NPAS2: variants seen among roughly 807,000 people sequenced by gnomAD.
NPAS2 encodes neuronal PAS domain-containing protein 2.
In NPAS2, 23 loss-of-function variants were observed where a neutral mutation model predicts 107.5. That is an observed-to-expected ratio of 0.21 (90% CI 0.15 to 0.30). The LOEUF is 0.30. Ranked by LOEUF, NPAS2 falls within the 10% of genes least tolerant of loss-of-function variation. NPAS2 has a pLI of 1.00. For missense variants in NPAS2, 756 were observed against 1,043.3 expected (o/e 0.72, Z 3.79); for synonymous variants, 403 against 417.5 (o/e 0.97, Z 0.42).
chr2:100,934,134 C>A (rs1684158151), intron 4 of NPAS2: 1 of 152,186 alleles, frequency 6.6e-6, no homozygotes, highest in Non-Finnish European at 1.5e-5. Flanking sequence ...AAATACAGAA[C>A]TTTCTGCAGA....
At position 100,968,476 on chromosome 2, in the gene NPAS2, G is replaced by A; in HGVS notation, c.1055+48G>A. ...CGGCTGCGTCCTTGTCGCACCTGGG[G>A]GAGGGGTGCAGGATGGCGTGGCCCC... On this transcript the variant is annotated intron_variant, in intron 11 of 20. Transcript: ENST00000335681. The surrounding 1 kb of genome is among the most constrained non-coding windows in gnomAD (Gnocchi z 5.3). The A allele has an allele frequency of 6.3e-7, 1 of 1,595,014 alleles. No individual in the cohort carries two copies. Among genetic ancestry groups the A allele is most frequent in the Non-Finnish European group, 8.6e-7 (1 of 1,167,308 alleles).
chr2:100,938,569 C>CCCTCCTTCCCTCCCTT (rs1684490132), intron 5 of NPAS2, among the ~76,000 whole-genome samples: 1 of 58,288 alleles, frequency 1.7e-5, no homozygotes, highest in African/African-American at 8.5e-5. Flanking sequence ...TTCCCTCCCT[C>CCCTCCTTCCCTCCCTT]CCCCCTTTCC....
At chr2:100,927,393 C>T (rs1306355834) in intron 3 of NPAS2, among the ~76,000 whole-genome samples, 1 of 152,172 alleles carries the variant, frequency 6.6e-6, no homozygotes, top group Non-Finnish European at 1.5e-5. Flanking sequence ...CTTTGTAATA[C>T]TTTATAAAAG....
At chr2:100,839,184 A>G (rs1677245672) in intron 1 of NPAS2, among the ~76,000 whole-genome samples, 1 of 152,162 alleles carries the variant, frequency 6.6e-6, no homozygotes, top group Non-Finnish European at 1.5e-5. Flanking sequence ...GCTGGAGTGC[A>G]GTGGCACAAT....
intron 2 of NPAS2, among the ~76,000 whole-genome samples, chr2:100,905,059 G>A (rs1012396222): frequency 2.0e-5 from 3 of 152,156 alleles, no homozygotes; most frequent in Non-Finnish European, 4.4e-5. Flanking sequence ...GTTGACACTG[G>A]TCATCTTTCA....
chr2:100,951,485 C>A (rs1214825973), intron 7 of NPAS2, among the ~76,000 whole-genome samples: 1 of 152,164 alleles, frequency 6.6e-6, no homozygotes, highest in Non-Finnish European at 1.5e-5. Context: ...TATACATGCA[C>A]TGGAATATTA....
intron 2 of NPAS2, among the ~76,000 whole-genome samples, chr2:100,909,090 TC>T (rs965509204): frequency 2.6e-5 from 4 of 152,130 alleles, no homozygotes; most frequent in African/African-American, 9.7e-5. Flanking sequence ...TTTCTTCTGG[TC>T]CCCCTGGGGT....
intron 20 of NPAS2, 51 bp from the exon 21 acceptor site, chr2:100,995,349 A>C: frequency 6.6e-7 from 1 of 1,520,568 alleles, no homozygotes; most frequent in Non-Finnish European, 9.0e-7. Flanking sequence ...AAGACAGTTG[A>C]GGAGCGGACA....
chr2:100,892,016 T>C (rs981785284), intron 1 of NPAS2, among the ~76,000 whole-genome samples: 6 of 152,228 alleles, frequency 3.9e-5, no homozygotes, highest in African/African-American at 1.4e-4. Flanking sequence ...CCCCTCTTGC[T>C]GATTTTTCTA....
chr2:100,821,254 T>C, intron 1 of NPAS2: 1 of 1,273,776 alleles, frequency 7.9e-7, no homozygotes, highest in Non-Finnish European at 1.0e-6. Context: ...ACTAGTTTTG[T>C]TGATTAAGCA....
At chr2:100,853,213 G>A (rs529476635) in intron 1 of NPAS2, among the ~76,000 whole-genome samples, 8 of 152,194 alleles carry the variant, frequency 5.3e-5, no homozygotes, top group Non-Finnish European at 1.0e-4. Flanking sequence ...AGCTTCTGTC[G>A]CAATCTTGCA....
chr2:100,852,733 G>C (rs114111929), intron 1 of NPAS2, among the ~76,000 whole-genome samples: 2,401 of 152,208 alleles, frequency 0.016, 73 homozygotes, highest in African/African-American at 0.053. Context: ...TCCCTGCCCT[G>C]GTGTCCTGCA....
At position 100,996,092 on chromosome 2, in the gene NPAS2, G is replaced by T; in HGVS notation, c.*510G>T. 3.3e-6 allele frequency: 2 copies of T among 603,192 alleles called. No individual in the cohort carries two copies. The highest frequency in any genetic ancestry group is 2.9e-5 in the South Asian group (1 of 35,030). The allele number at this position is 603,192 out of a possible 1,614,324, so 37.4% of individuals were successfully genotyped here. On this transcript the variant is annotated 3_prime_UTR_variant, in exon 21 of 21. Coordinates refer to ENST00000335681, the MANE Select transcript of NPAS2 (RefSeq NM_002518.4). The stretch of plus-strand genomic sequence containing the variant: ...GTTTTAATTTGCACAGCTACACAGA[G>T]GAAATAACTTAGGCACTTTCTGTTT...
upstream of NPAS2, chr2:100,820,058 G>C (rs1675976706): frequency 1.3e-5 from 2 of 151,514 alleles, no homozygotes; most frequent in African/African-American, 4.8e-5. The surrounding 1 kb of genome is among the most constrained non-coding windows in gnomAD (Gnocchi z 5.6). Context: ...GGGGGTAGGA[G>C]GGGGAGGTGG....
chr2:100,988,538 C>G (rs145463634), intron 17 of NPAS2: 3 of 477,784 alleles, frequency 6.3e-6, no homozygotes, highest in Non-Finnish European at 1.1e-5. Flanking sequence ...AGATATCACT[C>G]GGCTGAAATG....
intron 1 of NPAS2, among the ~76,000 whole-genome samples, chr2:100,861,554 G>T (rs1463624230): frequency 3.9e-5 from 6 of 152,126 alleles, no homozygotes; most frequent in African/African-American, 1.4e-4. Context: ...CTTGAGAGTT[G>T]TTTGTCAGCC....
Position 100,995,722 on chromosome 2 carries a change from A to G in NPAS2, c.*140A>G. The G allele has an allele frequency of 1.3e-6, 2 of 1,549,734 alleles. No individual in the cohort carries two copies. The highest frequency in any genetic ancestry group is 2.4e-5 in the South Asian group (2 of 83,582). ...TACGTTTCAGAACTCCTGGATGGTA[A>G]CCATCTCTGGAGTGCAGCGCTTGCT... On this transcript the variant is annotated 3_prime_UTR_variant, in exon 21 of 21. Transcript: ENST00000335681.
Position 100,892,565 on chromosome 2 carries a change from T to C in NPAS2, c.-22-12168T>C, listed in dbSNP as rs1397465281. Among the ~76,000 whole-genome samples the C allele has an allele frequency of 2.6e-5, 4 of 152,248 alleles. No individual in the cohort carries two copies. In the East Asian group the frequency reaches 7.7e-4, roughly 29 times the overall value. ...TCCTTGGGACAAGGCTGGAGAGGGC[T>C]AGTGTTAGGATTGGATCTGTCCGCC... On this transcript the variant is annotated intron_variant, in intron 1 of 20. Coordinates refer to ENST00000335681, the MANE Select transcript of NPAS2 (RefSeq NM_002518.4).
chr2:100,860,817 C>T (rs1678892359), intron 1 of NPAS2, among the ~76,000 whole-genome samples: 1 of 152,094 alleles, frequency 6.6e-6, no homozygotes, highest in African/African-American at 2.4e-5. Context: ...TTTCCAGGCT[C>T]ATTCTGTACT....
Sources: allele counts gnomAD v4.1 joint callset (sites outside exome capture counted in the v4.1 genomes callset), GRCh38; gene constraint gnomAD v4.1.1; non-coding constraint Gnocchi (gnomAD v3.1); transcripts MANE v1.5; gene names NCBI Gene and HGNC (gene_info 2026-07-23, HGNC 2026-07-21).